RBFOX1: variants seen among roughly 807,000 people sequenced by gnomAD.
RBFOX1 encodes the protein RNA binding fox-1 homolog 1.
Under a neutral mutation model 57.7 loss-of-function variants are expected in RBFOX1, and 8 were observed. That is an observed-to-expected ratio of 0.14 (90% confidence interval 0.08 to 0.25). RBFOX1 has a LOEUF of 0.25. Ranked by LOEUF, RBFOX1 falls within the 10% of genes least tolerant of loss-of-function variation. The probability of loss-of-function intolerance (pLI) is 1.00; values close to 1 mark genes in which losing one functional copy is unlikely to be tolerated. For missense variants in RBFOX1, 611 were observed against 548.5 expected (o/e 1.11, Z -1.14); for synonymous variants, 326 against 222.4 (o/e 1.47, Z -4.15).
intron 3 of RBFOX1, among the ~76,000 whole-genome samples, chr16:5,776,166 C>T (rs201134840): frequency 3.9e-5 from 6 of 152,326 alleles, no homozygotes; most frequent in East Asian, 3.9e-4. Context: ...TTTATGGTTT[C>T]GTTTCACTGT....
At chr16:7,043,356 G>A (rs538877038) in intron 3 of RBFOX1, among the ~76,000 whole-genome samples, 2 of 152,176 alleles carry the variant, frequency 1.3e-5, no homozygotes, top group South Asian at 2.1e-4. Context: ...TGTACAATGT[G>A]TCATTTAGAT....
chr16:7,354,025 G>A (rs1394299771), intron 4 of RBFOX1, among the ~76,000 whole-genome samples: 1 of 152,136 alleles, frequency 6.6e-6, no homozygotes, highest in Non-Finnish European at 1.5e-5. Context: ...AGGCTGGAGT[G>A]CAGTGGCATG....
At chr16:5,240,028 G>C (rs1187248746) in exon 1 of RBFOX1, 3 of 1,530,924 alleles carry the variant, frequency 2.0e-6, no homozygotes, top group Admixed American at 2.0e-5. Flanking sequence ...ACAGCCCGAG[G>C]ACTGCGAGGA....
chr16:6,568,703 C>T (rs1011859861), intron 2 of RBFOX1, among the ~76,000 whole-genome samples: 1 of 152,238 alleles, frequency 6.6e-6, no homozygotes, highest in Non-Finnish European at 1.5e-5. Context: ...AAATCATTTC[C>T]TAATGTCTTC....
intron 4 of RBFOX1, among the ~76,000 whole-genome samples, chr16:5,923,786 C>G (rs1270427413): frequency 2.0e-5 from 3 of 152,040 alleles, no homozygotes; most frequent in African/African-American, 7.3e-5. Context: ...AGTGATGTGC[C>G]TACCTCAGCC....
chr16:5,530,931 TATAAAAAAAAA>T (rs2044443583), intron 2 of RBFOX1, among the ~76,000 whole-genome samples: 1 of 88,120 alleles, frequency 1.1e-5, no homozygotes, highest in African/African-American at 3.4e-5. Flanking sequence ...CTACTAAAAA[TATAAAAAAAAA>T]AAAAAAAAAA....
At chr16:5,255,752 T>G (rs1372825577) in intron 1 of RBFOX1, among the ~76,000 whole-genome samples, 1 of 151,980 alleles carries the variant, frequency 6.6e-6, no homozygotes, top group East Asian at 1.9e-4. Context: ...TTCTGTTCAT[T>G]TATTCCACAA....
At chr16:6,365,175 G>A (rs1470927611) in intron 2 of RBFOX1, among the ~76,000 whole-genome samples, 1 of 152,168 alleles carries the variant, frequency 6.6e-6, no homozygotes, top group Non-Finnish European at 1.5e-5. Flanking sequence ...AATCTGTCTG[G>A]TAGGGCCCTC....
At chr16:6,958,964 A>C (rs1360218242) in intron 3 of RBFOX1, among the ~76,000 whole-genome samples, 1 of 152,270 alleles carries the variant, frequency 6.6e-6, no homozygotes, top group South Asian at 2.1e-4. Context: ...AAAGTTATAA[A>C]AGTTTGATTT....
rs372915667 is a variant in RBFOX1, at chr16:5,461,474, CT to C, written c.220-5739del. Among the ~76,000 whole-genome samples the C allele has an allele frequency of 1.8e-4, 27 of 152,254 alleles. No homozygotes were observed. The South Asian group carries it at 5.0e-3, about 28-fold the overall frequency. ...TGCTGGGCACTGTTCAGAACTAAAA[CT>C]TTGGGCCCTGCAGCTGCAACCAACC... On this transcript the variant is annotated intron_variant, in intron 1 of 2. Transcript: ENST00000585867.
intron 2 of RBFOX1, among the ~76,000 whole-genome samples, chr16:6,531,532 T>A (rs2096658005): frequency 6.6e-6 from 1 of 152,232 alleles, no homozygotes; most frequent in Non-Finnish European, 1.5e-5. Context: ...TAGTTTTTAA[T>A]TTTAATATCA....
chr16:5,328,597 C>T (rs1596534741), intron 1 of RBFOX1, among the ~76,000 whole-genome samples: 1 of 152,146 alleles, frequency 6.6e-6, no homozygotes, highest in African/African-American at 2.4e-5. Flanking sequence ...TGAAACATAC[C>T]TTTTATGAGG....
At chr16:5,508,945 C>G (rs1226334199) in intron 2 of RBFOX1, among the ~76,000 whole-genome samples, 2 of 152,326 alleles carry the variant, frequency 1.3e-5, no homozygotes, top group African/African-American at 4.8e-5. Context: ...CCCTCTACGT[C>G]TTTGCCCACT....
intron 5 of RBFOX1, among the ~76,000 whole-genome samples, chr16:7,561,752 G>A (rs2090423753): frequency 6.6e-6 from 1 of 152,184 alleles, no homozygotes; most frequent in South Asian, 2.1e-4. Context: ...GGAGATCAGT[G>A]CCATCTTAAA....
intron 3 of RBFOX1, among the ~76,000 whole-genome samples, chr16:5,672,637 G>A (rs1024152416): frequency 6.6e-6 from 1 of 152,152 alleles, no homozygotes; most frequent in Non-Finnish European, 1.5e-5. Flanking sequence ...CAGAGCAGTG[G>A]GAGATGAAGA....
At chr16:6,697,373 C>G (rs1418276051) in intron 3 of RBFOX1, among the ~76,000 whole-genome samples, 1 of 152,080 alleles carries the variant, frequency 6.6e-6, no homozygotes, top group African/African-American at 2.4e-5. Context: ...CCTTTGGGTG[C>G]AAGCAACAGA....
intron 2 of RBFOX1, among the ~76,000 whole-genome samples, chr16:6,589,197 A>T (rs1008857865): frequency 3.3e-5 from 5 of 152,210 alleles, no homozygotes; most frequent in African/African-American, 9.7e-5. Context: ...TTTTTAAACT[A>T]TTTGGCAAAA....
chr16:6,846,864 T>C (rs2093782814), intron 3 of RBFOX1, among the ~76,000 whole-genome samples: 1 of 151,418 alleles, frequency 6.6e-6, no homozygotes, highest in African/African-American at 2.4e-5. Context: ...TAAGTTCTAG[T>C]AAAGCCTGGA....
At chr16:5,467,100 A>C in intron 1 of RBFOX1, 2 of 1,209,314 alleles carry the variant, frequency 1.7e-6, no homozygotes, top group Non-Finnish European at 2.2e-6. Context: ...AGAATGAATG[A>C]ATAAAACATT....
Sources: gnomAD v4.1 joint callset for allele counts (sites outside exome capture counted in the v4.1 genomes callset) on GRCh38, gnomAD v4.1.1 for gene constraint, MANE v1.5 for transcripts, NCBI Gene and HGNC (gene_info 2026-07-23, HGNC 2026-07-21) for gene names.